SLC9A9: variants seen among roughly 807,000 people sequenced by gnomAD.
The protein encoded by SLC9A9 is sodium/hydrogen exchanger 9.
Under a neutral mutation model 77.8 loss-of-function variants are expected in SLC9A9, and 62 were observed. The ratio of observed to expected loss-of-function variants is 0.80; its 90% CI spans 0.65 to 0.98. The LOEUF (loss-of-function observed/expected upper bound fraction) is 0.98, where lower values mean the gene tolerates loss of function less well. SLC9A9 is among the 50% of genes least tolerant of loss of function. The pLI is 0.00. For missense variants in SLC9A9, 775 were observed against 774.9 expected (o/e 1.00, Z 0.00); for synonymous variants, 320 against 283.5 (o/e 1.13, Z -1.29).
chr3:143,574,876 G>A (rs1055306028), intron 7 of SLC9A9, among the ~76,000 whole-genome samples: 14 of 152,140 alleles, frequency 9.2e-5, no homozygotes, highest in African/African-American at 3.4e-4. Flanking sequence ...TGGATCATGC[G>A]GAGATGATTA....
chr3:143,815,588 G>A (rs143126878), intron 2 of SLC9A9, among the ~76,000 whole-genome samples: 2,603 of 151,800 alleles, frequency 0.017, 58 homozygotes, highest in African/African-American at 0.06. Flanking sequence ...AATATCCGCC[G>A]GGCGCAGTGG....
Position 143,555,364 on chromosome 3 carries a change from G to T in SLC9A9, c.1001-2914C>A, listed in dbSNP as rs190631261. ...TTGAACATATCTTTATCAGCAGCAT[G>T]AAAATAGACGAATACACTGTAACAC... On this transcript the variant is annotated intron_variant, in intron 8 of 15. Transcript: ENST00000316549. 2.8e-3 allele frequency among the ~76,000 whole-genome samples: 424 copies of T among 152,292 alleles called. 1 individual carries two copies. Among genetic ancestry groups the T allele is most frequent in the African/African-American group, 8.7e-3 (363 of 41,564 alleles).
chr3:143,762,534 G>C (rs776588589), intron 4 of SLC9A9, among the ~76,000 whole-genome samples: 1 of 152,040 alleles, frequency 6.6e-6, no homozygotes, highest in Non-Finnish European at 1.5e-5. Flanking sequence ...CTTTGTAATG[G>C]GTTGTTTTAG....
At chr3:143,379,019 T>A (rs2033241856) in intron 13 of SLC9A9, among the ~76,000 whole-genome samples, 1 of 150,906 alleles carries the variant, frequency 6.6e-6, no homozygotes, top group Non-Finnish European at 1.5e-5. Flanking sequence ...TAAAAACATA[T>A]TAATATATAT....
chr3:143,383,333 A>G (rs1450165959), intron 12 of SLC9A9, among the ~76,000 whole-genome samples: 1 of 152,186 alleles, frequency 6.6e-6, no homozygotes, highest in East Asian at 1.9e-4. Context: ...TGGCTTAGCC[A>G]TGCACAGAAG....
chr3:143,753,126 T>C (rs2006797644), intron 4 of SLC9A9, among the ~76,000 whole-genome samples: 1 of 152,220 alleles, frequency 6.6e-6, no homozygotes, highest in Admixed American at 6.5e-5. Flanking sequence ...CCCACTCCCT[T>C]GGAGCAGAAT....
At chr3:143,628,239 G>T (rs1021594128) in intron 6 of SLC9A9, among the ~76,000 whole-genome samples, 4 of 152,094 alleles carry the variant, frequency 2.6e-5, no homozygotes, top group Admixed American at 6.6e-5. Context: ...TTACGATGGG[G>T]TTACATCCCA....
intron 6 of SLC9A9, among the ~76,000 whole-genome samples, chr3:143,637,918 A>G (rs2038553318): frequency 6.6e-6 from 1 of 152,238 alleles, no homozygotes; most frequent in South Asian, 2.1e-4. Context: ...GAAAACTTGT[A>G]TTAGAATTAC....
intron 4 of SLC9A9, among the ~76,000 whole-genome samples, chr3:143,739,287 C>T (rs987918599): frequency 6.6e-6 from 1 of 152,248 alleles, no homozygotes; most frequent in East Asian, 1.9e-4. Context: ...GTCATCACTT[C>T]TATCACGCAG....
chr3:143,560,603 A>AT (rs1005205483), intron 8 of SLC9A9, among the ~76,000 whole-genome samples: 1 of 151,910 alleles, frequency 6.6e-6, no homozygotes, highest in African/African-American at 2.4e-5. Context: ...GAGGTTTTAA[A>AT]TTTTTTTTAC....
At position 143,641,385 on chromosome 3, in the gene SLC9A9, C is replaced by CTTTTTTTTTTT. The variant is rs529425639; in HGVS notation, c.755+10859_755+10869dup. Among the ~76,000 whole-genome samples, 16 of 78,818 alleles carry CTTTTTTTTTTT rather than the reference C, an allele frequency of 2.0e-4. 1 individual carries two copies. Among genetic ancestry groups the CTTTTTTTTTTT allele is most frequent in the South Asian group, 1.2e-3 (2 of 1,734 alleles). The allele number at this position is 78,818 out of a possible 152,430, so 51.7% of individuals were successfully genotyped here. On this transcript the variant is annotated intron_variant, in intron 6 of 15. Transcript: ENST00000316549. ...AAAAAGAATTATCTGTTGTCACAGT[C>CTTTTTTTTTTT]TTTTTTTTTTTTTTTTTTTTTTTTG... is the stretch of plus-strand genomic sequence containing the variant.
chr3:143,571,353 A>G (rs1023188206), intron 8 of SLC9A9, among the ~76,000 whole-genome samples: 1 of 152,170 alleles, frequency 6.6e-6, no homozygotes, highest in Non-Finnish European at 1.5e-5. Flanking sequence ...TTAGATTTGT[A>G]TCATATTAGT....
chr3:143,634,705 T>C (rs1267630128), intron 6 of SLC9A9, among the ~76,000 whole-genome samples: 6 of 152,204 alleles, frequency 3.9e-5, no homozygotes, highest in Admixed American at 3.9e-4. Flanking sequence ...CTGCAAGTCC[T>C]TCAGAATAAT....
chr3:143,798,118 C>T (rs1209231145), intron 2 of SLC9A9, among the ~76,000 whole-genome samples: 1 of 152,178 alleles, frequency 6.6e-6, no homozygotes, highest in African/African-American at 2.4e-5. Flanking sequence ...TCTTCTCCAG[C>T]CTCTCTCCCT....
chr3:143,362,111 C>T (rs763510645), intron 14 of SLC9A9, among the ~76,000 whole-genome samples: 9 of 152,216 alleles, frequency 5.9e-5, no homozygotes, highest in Non-Finnish European at 8.8e-5. Flanking sequence ...TTTCTAAGAA[C>T]GAGCTTCCCT....
chr3:143,348,897 G>C (rs2032374470), intron 14 of SLC9A9, among the ~76,000 whole-genome samples: 1 of 152,190 alleles, frequency 6.6e-6, no homozygotes, highest in African/African-American at 2.4e-5. Flanking sequence ...AGCTTAGAGA[G>C]ACTGGTTCAA....
chr3:143,594,757 C>T (rs1375998533), intron 6 of SLC9A9, among the ~76,000 whole-genome samples: 2 of 146,754 alleles, frequency 1.4e-5, no homozygotes, highest in African/African-American at 5.3e-5. Flanking sequence ...AATATTAAAC[C>T]AGAAAAAAAA....
At chr3:143,312,243 G>A (rs556777958) in intron 14 of SLC9A9, among the ~76,000 whole-genome samples, 3 of 152,354 alleles carry the variant, frequency 2.0e-5, no homozygotes, top group South Asian at 2.1e-4. Context: ...CCAATAGCAA[G>A]TCAAAAGGAG....
At chr3:143,519,672 T>A (rs1418861045) in intron 9 of SLC9A9, among the ~76,000 whole-genome samples, 1 of 152,106 alleles carries the variant, frequency 6.6e-6, no homozygotes, top group Non-Finnish European at 1.5e-5. Context: ...AGAAGGTTAT[T>A]GTCATAGTCC....
Sources: gnomAD v4.1 joint callset for allele counts (sites outside exome capture counted in the v4.1 genomes callset) on GRCh38, gnomAD v4.1.1 for gene constraint, MANE v1.5 for transcripts, NCBI Gene and HGNC (gene_info 2026-07-23, HGNC 2026-07-21) for gene names.